Variants in MGST3 observed in about 807,000 individuals in gnomAD.
MGST3 encodes glutathione S-transferase 3, mitochondrial.
MGST3 carries 13 observed loss-of-function variants against 15.8 expected under a neutral mutation model. The ratio of observed to expected loss-of-function variants is 0.82; its 90% CI spans 0.54 to 1.31. The LOEUF (loss-of-function observed/expected upper bound fraction) is 1.31, where lower values mean the gene tolerates loss of function less well. MGST3 is among the 50% of genes most tolerant of loss of function. MGST3 has a pLI of 0.00. For missense variants in MGST3, 155 were observed against 192.4 expected, an observed-to-expected ratio of 0.81 and a Z score of 1.15; for synonymous variants, 49 against 68.1, an observed-to-expected ratio of 0.72 and a Z score of 1.38.
chr1:165,639,333 T>A (rs187412055), intron 1 of MGST3, among the ~76,000 whole-genome samples: 1 of 152,326 alleles, frequency 6.6e-6, no homozygotes, highest in African/African-American at 2.4e-5. Context: ...CTGCCTGTAT[T>A]CAGACACCAG....
chr1:165,649,275 A>T (rs1053080179), intron 1 of MGST3: 5 of 157,006 alleles, frequency 3.2e-5, no homozygotes. Context: ...CCATGTCTGA[A>T]GGCAAAAAAC....
chr1:165,634,754 TC>T (rs1408890543), intron 1 of MGST3, among the ~76,000 whole-genome samples: 1 of 137,746 alleles, frequency 7.3e-6, no homozygotes, highest in Non-Finnish European at 1.6e-5. Flanking sequence ...TCTCTCTCTC[TC>T]CCTCCCTCCC....
At position 165,655,232 on chromosome 1, in the gene MGST3, A is replaced by G. The variant is rs930743725; in HGVS notation, c.323-136A>G. On this transcript the variant is annotated intron_variant, in intron 5 of 5. Coordinates refer to ENST00000367889, the MANE Select transcript of MGST3 (RefSeq NM_004528.4). ...TCTGACTTGCCAACAGCTTCAGGCT[A>G]AAGAGTTAGTTAACCTCCTAAGGCC... The G allele has an allele frequency of 3.4e-5, 36 of 1,068,350 alleles. No individual in the cohort carries two copies. The African/African-American group carries it at 4.8e-4, about 14-fold the overall frequency. 66.2% of individuals were successfully genotyped at this position (1,068,350 alleles called of 1,614,324 possible).
chr1:165,644,077 T>C (rs1648331747), intron 1 of MGST3, among the ~76,000 whole-genome samples: 1 of 149,074 alleles, frequency 6.7e-6, no homozygotes. Context: ...AAAAATTACC[T>C]ATTGCCAGGC....
intron 1 of MGST3, chr1:165,648,941 G>T (rs974406427): frequency 6.6e-6 from 1 of 152,230 alleles, no homozygotes; most frequent in African/African-American, 2.4e-5. Flanking sequence ...TTGTTAGGAT[G>T]ATTAGATACA....
At chr1:165,639,132 G>A (rs1475031452) in intron 1 of MGST3, among the ~76,000 whole-genome samples, 1 of 152,156 alleles carries the variant, frequency 6.6e-6, no homozygotes, top group East Asian at 1.9e-4. Context: ...CTATGCTCTT[G>A]GGCCCTGGCT....
At chr1:165,634,523 C>A (rs1024255740) in intron 1 of MGST3, among the ~76,000 whole-genome samples, 1 of 152,144 alleles carries the variant, frequency 6.6e-6, no homozygotes, top group Non-Finnish European at 1.5e-5. Context: ...ACCCTTCAGA[C>A]ACACTGGACT....
At chr1:165,640,330 A>G (rs1234103577) in intron 1 of MGST3, among the ~76,000 whole-genome samples, 1 of 152,102 alleles carries the variant, frequency 6.6e-6, no homozygotes. Context: ...TGCTCTTCAC[A>G]ACAGTCTCTG....
At chr1:165,649,700 A>G in intron 1 of MGST3, 141 bp from the exon 2 acceptor site, 1 of 972,694 alleles carries the variant, frequency 1.0e-6, no homozygotes. Context: ...ATGACTTCTC[A>G]GAAACATCAG....
chr1:165,643,496 A>G (rs543551076), intron 1 of MGST3, among the ~76,000 whole-genome samples: 6 of 151,904 alleles, frequency 3.9e-5, no homozygotes, highest in Non-Finnish European at 7.4e-5. Context: ...AGATGGGAGG[A>G]TCACTAGAGC....
At chr1:165,644,973 C>G (rs1648358676) in intron 1 of MGST3, among the ~76,000 whole-genome samples, 1 of 152,060 alleles carries the variant, frequency 6.6e-6, no homozygotes, top group South Asian at 2.1e-4. Flanking sequence ...GTTGGCCAGG[C>G]TGGTTTTGAA....
At chr1:165,642,136 G>A (rs1388065098) in intron 1 of MGST3, among the ~76,000 whole-genome samples, 1 of 152,154 alleles carries the variant, frequency 6.6e-6, no homozygotes, top group African/African-American at 2.4e-5. Context: ...ATCTGGAATT[G>A]GGTACTTGTT....
At chr1:165,647,712 C>T (rs1184603369) in intron 1 of MGST3, 3 of 148,916 alleles carry the variant, frequency 2.0e-5, no homozygotes, top group Non-Finnish European at 4.4e-5. Flanking sequence ...ACATTTATTG[C>T]TTCTGAGAGA....
chr1:165,640,716 C>G (rs1648239229), intron 1 of MGST3, among the ~76,000 whole-genome samples: 1 of 152,152 alleles, frequency 6.6e-6, no homozygotes, highest in Admixed American at 6.5e-5. Context: ...GAGTTTCTGT[C>G]TTCATGCAAG....
At chr1:165,654,599 G>C (rs1457465504) in intron 5 of MGST3, among the ~76,000 whole-genome samples, 2 of 152,116 alleles carry the variant, frequency 1.3e-5, no homozygotes, top group African/African-American at 4.8e-5. Context: ...GCTGAGGCGG[G>C]AGGATTGCTT....
At chr1:165,638,977 C>G (rs1232760743) in intron 1 of MGST3, among the ~76,000 whole-genome samples, 1 of 151,732 alleles carries the variant, frequency 6.6e-6, no homozygotes, top group Non-Finnish European at 1.5e-5. Flanking sequence ...ATTGCATTGC[C>G]CCTAACCAGG....
chr1:165,644,597 ACT>A (rs768075183), intron 1 of MGST3, among the ~76,000 whole-genome samples: 2 of 152,188 alleles, frequency 1.3e-5, no homozygotes, highest in Non-Finnish European at 2.9e-5. Context: ...CTTAGGCTAC[ACT>A]ACATTCATTT....
At chr1:165,632,082 TCTG>T (rs1286968253) in intron 1 of MGST3, 1 of 629,720 alleles carries the variant, frequency 1.6e-6, no homozygotes, top group Non-Finnish European at 2.8e-6. Flanking sequence ...AGTTGTGGCT[TCTG>T]CTGATACTTT....
chr1:165,631,608 G>A (rs367722711), intron 1 of MGST3, among the ~76,000 whole-genome samples: 1 of 152,064 alleles, frequency 6.6e-6, no homozygotes, highest in Non-Finnish European at 1.5e-5. Flanking sequence ...GCTGTCCCCG[G>A]GCTCTGCAGT....
Sources: gnomAD v4.1 joint callset for allele counts (sites outside exome capture counted in the v4.1 genomes callset) on GRCh38, gnomAD v4.1.1 for gene constraint, MANE v1.5 for transcripts, NCBI Gene and HGNC (gene_info 2026-07-23, HGNC 2026-07-21) for gene names.